The following CNTNAP5 variants were observed in gnomAD, a reference collection of about 807,000 sequenced individuals.
The protein encoded by CNTNAP5 is contactin-associated protein-like 5.
Under a neutral mutation model 150.2 loss-of-function variants are expected in CNTNAP5, and 72 were observed. The ratio of observed to expected loss-of-function variants is 0.48; its 90% confidence interval spans 0.40 to 0.58. CNTNAP5 has a LOEUF of 0.58. Ranked by LOEUF, CNTNAP5 falls within the 20% of genes least tolerant of loss-of-function variation. The pLI is 0.00. For synonymous variants in CNTNAP5, 672 were observed against 619.8 expected, an observed-to-expected ratio of 1.08 and a Z score of -1.25; for missense variants, 1,636 against 1,626.2, an observed-to-expected ratio of 1.01 and a Z score of -0.10.
Position 124,915,637 on chromosome 2 carries a change from A to G in CNTNAP5, c.*1349A>G, listed in dbSNP as rs1250136023. Among the ~76,000 whole-genome samples the G allele has an allele frequency of 6.6e-6, 1 of 152,016 alleles. No individual in the cohort carries two copies. Among genetic ancestry groups the G allele is most frequent in the African/African-American group, 2.4e-5 (1 of 41,416 alleles). On this transcript the variant is annotated 3_prime_UTR_variant, in exon 24 of 24. Transcript: ENST00000682447. ...CCTATATACATAAAGACCCTTCCAA[A>G]CATCTTTTTATAGGCTTAAACTCCC...
chr2:124,617,115 A>C (rs1042250647), intron 12 of CNTNAP5, among the ~76,000 whole-genome samples: 1 of 152,110 alleles, frequency 6.6e-6, no homozygotes, highest in Non-Finnish European at 1.5e-5. Flanking sequence ...TACATAAATT[A>C]CCAAAATGTA....
At position 124,321,173 on chromosome 2, in the gene CNTNAP5, C is replaced by T. The variant is rs1005852631; in HGVS notation, c.381+78780C>T. ...AAAGAAAAGGATTAGAATGGCTGGG[C>T]GCGGTGGCCTGTAATCCCAGCACTT... On this transcript the variant is annotated intron_variant, in intron 3 of 23. Transcript: ENST00000682447. Among the ~76,000 whole-genome samples, 7 of 152,184 alleles carry T rather than the reference C, an allele frequency of 4.6e-5. No individual in the cohort carries two copies. In the South Asian group the frequency reaches 6.2e-4, roughly 14 times the overall value.
chr2:124,139,731 A>G (rs1684063221), intron 1 of CNTNAP5, among the ~76,000 whole-genome samples: 1 of 152,126 alleles, frequency 6.6e-6, no homozygotes, highest in South Asian at 2.1e-4. Context: ...GTGCCCGATC[A>G]TTGTTATTAA....
intron 3 of CNTNAP5, among the ~76,000 whole-genome samples, chr2:124,305,746 G>A (rs1468150199): frequency 6.6e-6 from 1 of 152,086 alleles, no homozygotes; most frequent in Non-Finnish European, 1.5e-5. Context: ...TACATTATGG[G>A]ATGACACAGC....
intron 21 of CNTNAP5, among the ~76,000 whole-genome samples, chr2:124,881,671 G>A (rs1677967476): frequency 6.6e-6 from 1 of 152,102 alleles, no homozygotes; most frequent in Non-Finnish European, 1.5e-5. Flanking sequence ...GATGTCCACA[G>A]TAGTCCACAG....
intron 20 of CNTNAP5, 140 bp from the exon 21 acceptor site, chr2:124,869,535 C>G: frequency 1.7e-6 from 1 of 594,116 alleles, no homozygotes; most frequent in Non-Finnish European, 3.1e-6. Context: ...CGAGACCTGT[C>G]TAATCTCTCC....
At chr2:124,832,026 G>A (rs1367228273) in intron 19 of CNTNAP5, among the ~76,000 whole-genome samples, 1 of 151,964 alleles carries the variant, frequency 6.6e-6, no homozygotes, top group Non-Finnish European at 1.5e-5. Context: ...TATTAAATTA[G>A]TCTTACTTAT....
chr2:124,234,712 A>G (rs1686704624), intron 2 of CNTNAP5, among the ~76,000 whole-genome samples: 1 of 152,132 alleles, frequency 6.6e-6, no homozygotes. Flanking sequence ...CTTCTGAACT[A>G]TGAAACAGGC....
intron 17 of CNTNAP5, among the ~76,000 whole-genome samples, chr2:124,788,955 C>T (rs1681659117): frequency 6.6e-6 from 1 of 152,076 alleles, no homozygotes; most frequent in South Asian, 2.1e-4. Flanking sequence ...TTAGTGAAGC[C>T]TCACCACACA....
intron 13 of CNTNAP5, among the ~76,000 whole-genome samples, chr2:124,683,269 T>C (rs1454932037): frequency 6.6e-6 from 1 of 152,222 alleles, no homozygotes; most frequent in African/African-American, 2.4e-5. Context: ...TATTTTTTAA[T>C]GTTTTATTCT....
chr2:124,274,511 C>T (rs1456479655), intron 3 of CNTNAP5, among the ~76,000 whole-genome samples: 1 of 151,668 alleles, frequency 6.6e-6, no homozygotes, highest in African/African-American at 2.4e-5. Context: ...TTTCCGCTGG[C>T]CAGGGAATGG....
chr2:124,723,387 A>G (rs918294201), intron 13 of CNTNAP5, among the ~76,000 whole-genome samples: 1 of 152,164 alleles, frequency 6.6e-6, no homozygotes, highest in African/African-American at 2.4e-5. Flanking sequence ...CAAAAATCGC[A>G]TTTAACATTC....
intron 7 of CNTNAP5, among the ~76,000 whole-genome samples, chr2:124,489,290 G>C (rs967748648): frequency 2.6e-5 from 4 of 152,148 alleles, no homozygotes; most frequent in Non-Finnish European, 5.9e-5. Context: ...AGTCCAACAT[G>C]AAAATGTCAG....
At chr2:124,084,924 G>GTTTTGTTTTTTTTTTTTTTT (rs1553435818) in intron 1 of CNTNAP5, among the ~76,000 whole-genome samples, 3 of 89,994 alleles carry the variant, frequency 3.3e-5, no homozygotes, top group Admixed American at 1.7e-4. Flanking sequence ...CAAGTTTCCT[G>GTTTTGTTTTTTTTTTTTTTT]TTTTTTTTTT....
intron 11 of CNTNAP5, among the ~76,000 whole-genome samples, chr2:124,588,509 C>T (rs776074350): frequency 3.3e-5 from 5 of 151,834 alleles, no homozygotes; most frequent in Non-Finnish European, 5.9e-5. Context: ...CAAGCCTTGC[C>T]GTATCTTTAC....
chr2:124,045,913 T>C (rs1040493386), intron 1 of CNTNAP5, among the ~76,000 whole-genome samples: 1 of 152,154 alleles, frequency 6.6e-6, no homozygotes, highest in Non-Finnish European at 1.5e-5. Context: ...GTGTTGTGAA[T>C]CCCCTGAAAT....
chr2:124,521,035 C>G (rs905493113), intron 8 of CNTNAP5, among the ~76,000 whole-genome samples: 2 of 152,176 alleles, frequency 1.3e-5, no homozygotes, highest in Admixed American at 1.3e-4. Flanking sequence ...CTTCACTTGC[C>G]TTGAAACCCA....
intron 1 of CNTNAP5, among the ~76,000 whole-genome samples, chr2:124,139,942 C>A (rs1234106098): frequency 1.3e-5 from 2 of 152,040 alleles, no homozygotes; most frequent in East Asian, 1.9e-4. Context: ...GCACCGTGCA[C>A]GAGCCGAAGC....
At chr2:124,729,111 G>T (rs1273393784) in intron 13 of CNTNAP5, among the ~76,000 whole-genome samples, 1 of 151,966 alleles carries the variant, frequency 6.6e-6, no homozygotes, top group African/African-American at 2.4e-5. Context: ...GTCATGTAAT[G>T]TCACATCAAT....
Sources: allele counts gnomAD v4.1 joint callset (sites outside exome capture counted in the v4.1 genomes callset), GRCh38; gene constraint gnomAD v4.1.1; transcripts MANE v1.5; gene names NCBI Gene and HGNC (gene_info 2026-07-23, HGNC 2026-07-21).